The following EML1 variants were observed in gnomAD, a reference collection of about 807,000 sequenced individuals.
EML1 encodes echinoderm microtubule-associated protein-like 1.
A neutral mutation model predicts 110.4 loss-of-function variants in EML1; 27 were observed. The ratio of observed to expected loss-of-function variants is 0.24; its 90% CI spans 0.18 to 0.34. EML1 has a LOEUF of 0.34. Among genes scored for constraint, EML1 ranks in the 10% least tolerant of loss-of-function variants. EML1 has a pLI of 1.00. For synonymous variants in EML1, 344 were observed against 385.8 expected (o/e 0.89, Z 1.27); for missense variants, 741 against 1,030.9 (o/e 0.72, Z 3.85).
upstream of EML1, among the ~76,000 whole-genome samples, chr14:99,788,894 G>A (rs752392090): frequency 1.3e-5 from 2 of 152,080 alleles, no homozygotes; most frequent in African/African-American, 4.8e-5. Context: ...TAGGCACTTC[G>A]TGTAAGTGGA....
At chr14:99,926,086 T>G (rs561137773) in intron 17 of EML1, among the ~76,000 whole-genome samples, 113 of 152,344 alleles carry the variant, frequency 7.4e-4, no homozygotes, top group African/African-American at 2.7e-3. Context: ...CACCCTGTTT[T>G]TACCTGAAGT....
At chr14:99,932,811 T>C (rs1456013084) in intron 17 of EML1, among the ~76,000 whole-genome samples, 1 of 151,630 alleles carries the variant, frequency 6.6e-6, no homozygotes, top group Non-Finnish European at 1.5e-5. Context: ...TAAACCTGTT[T>C]GTTAAATAAC....
At chr14:99,908,909 T>G (rs2059901543) in intron 10 of EML1, among the ~76,000 whole-genome samples, 1 of 152,162 alleles carries the variant, frequency 6.6e-6, no homozygotes, top group Admixed American at 6.5e-5. Context: ...GGGTGAGGCC[T>G]AGAGATCTGC....
intron 1 of EML1, among the ~76,000 whole-genome samples, chr14:99,846,060 A>G (rs2058702463): frequency 6.6e-6 from 1 of 151,108 alleles, no homozygotes. Context: ...AAAAAAAAAA[A>G]AAAAAGAAAA....
chr14:99,852,431 A>G (rs911430383), intron 2 of EML1, among the ~76,000 whole-genome samples: 1 of 152,212 alleles, frequency 6.6e-6, no homozygotes, highest in Non-Finnish European at 1.5e-5. Context: ...TCTAGGCAAC[A>G]TAGTGAGACC....
At position 99,936,423 on chromosome 14, in the gene EML1, T is replaced by A. The variant is rs1186724150; in HGVS notation, c.2095+89T>A. The stretch of plus-strand genomic sequence containing the variant: ...GGGGCCTCTGTGAGAACCCACCTCC[T>A]GTATGACTTAGGCACGTGCCATCAT... On this transcript the variant is annotated intron_variant, in intron 19 of 21. Coordinates refer to ENST00000262233, the MANE Select transcript of EML1 (RefSeq NM_004434.3). This position sits in a 1 kb window ranked among gnomAD's most constrained non-coding sequence, Gnocchi z 5.5. 1 of 1,216,664 alleles carries A rather than the reference T, an allele frequency of 8.2e-7. No individual in the cohort carries two copies. The highest frequency in any genetic ancestry group is 1.5e-5 in the African/African-American group (1 of 66,478). The allele number at this position is 1,216,664 out of a possible 1,614,324, so 75.4% of individuals were successfully genotyped here.
Position 99,942,043 on chromosome 14 carries a change from A to T in EML1, c.*1931A>T, listed in dbSNP as rs1269514893. On this transcript the variant is annotated 3_prime_UTR_variant, in exon 22 of 22. Transcript: ENST00000262233. Reference sequence around the variant, plus strand: ...TCACTTTATTATGAATGAATGAATGAATTTGATGGATTTAAAATGGCTTCA... The same window carrying T: ...TCACTTTATTATGAATGAATGAATGTATTTGATGGATTTAAAATGGCTTCA... 1 of 152,192 alleles carries T rather than the reference A, an allele frequency of 6.6e-6. No homozygotes were observed. Among genetic ancestry groups the T allele is most frequent in the East Asian group, 1.9e-4 (1 of 5,202 alleles). 9.4% of individuals were successfully genotyped at this position (152,192 alleles called of 1,614,324 possible). A position where few individuals can be genotyped will look rare whatever the true frequency, so the allele number is the denominator to read the frequency against.
intron 1 of EML1, among the ~76,000 whole-genome samples, chr14:99,799,357 A>T (rs978894713): frequency 1.3e-5 from 2 of 152,232 alleles, no homozygotes; most frequent in African/African-American, 2.4e-5. Flanking sequence ...TGATTACAGC[A>T]GGATTTTCAA....
At position 99,888,004 on chromosome 14, in the gene EML1, A is replaced by G. The variant is rs185647512; in HGVS notation, c.519-3195A>G. On this transcript the variant is annotated intron_variant, in intron 4 of 21. Coordinates refer to ENST00000262233, the MANE Select transcript of EML1 (RefSeq NM_004434.3). ...AGGTGGTGGTGCATTGGCAGGAGTA[A>G]TGGGTTCTAAACAAATAAGCTGGGT... Among the ~76,000 whole-genome samples the G allele has an allele frequency of 7.2e-5, 11 of 152,342 alleles. No individual in the cohort carries two copies. In the East Asian group the frequency reaches 2.1e-3, roughly 29 times the overall value.
intron 17 of EML1, among the ~76,000 whole-genome samples, chr14:99,927,799 G>A (rs1180800321): frequency 1.4e-5 from 1 of 73,178 alleles, no homozygotes; most frequent in Non-Finnish European, 2.7e-5. Flanking sequence ...GGTATTGGTG[G>A]TGGGGGGGGT....
rs1566862967 is a variant in EML1, at chr14:99,784,788, A to C, written c.-27+10775A>C. 6.6e-6 allele frequency among the ~76,000 whole-genome samples: 1 copy of C among 152,232 alleles called. No individual in the cohort carries two copies. The highest frequency in any genetic ancestry group is 1.5e-5 in the Non-Finnish European group (1 of 68,040). On this transcript the variant is annotated intron_variant, in intron 1 of 22. Coordinates refer to the EML1 transcript ENST00000327921. This position sits in a 1 kb window ranked among gnomAD's most constrained non-coding sequence, Gnocchi z 4.5. ...GCTGACAAGGTCTCACCTTCATAAG[A>C]TAAGCTGTAGAACTGCATCCCTGTG...
At chr14:99,848,581 C>G (rs1208852026) in intron 1 of EML1, among the ~76,000 whole-genome samples, 3 of 151,952 alleles carry the variant, frequency 2.0e-5, no homozygotes, top group Non-Finnish European at 2.9e-5. Context: ...CCATATTTAC[C>G]CCATCTTTTA....
chr14:99,840,894 T>G lies in EML1; in HGVS notation c.68-9959T>G, dbSNP rs115207868. ...TTTTTTACAGTAAGAGAAAAAGTAA[T>G]TAAACTTCAAAGTCAGATCTGTAAA... On this transcript the variant is annotated intron_variant, in intron 1 of 21. Coordinates refer to ENST00000262233, the MANE Select transcript of EML1 (RefSeq NM_004434.3). Among the ~76,000 whole-genome samples, 1,497 of 152,318 alleles carry G rather than the reference T, an allele frequency of 9.8e-3. 21 individuals carry two copies. The highest frequency in any genetic ancestry group is 0.033 in the African/African-American group (1,362 of 41,570).
At chr14:99,903,242 T>A (rs1007270861) in intron 9 of EML1, among the ~76,000 whole-genome samples, 5 of 152,192 alleles carry the variant, frequency 3.3e-5, no homozygotes, top group Non-Finnish European at 7.4e-5. Context: ...ATGATTTCAA[T>A]CTTCTATTAG....
upstream of EML1, among the ~76,000 whole-genome samples, chr14:99,769,370 G>A (rs1303858244): frequency 1.3e-5 from 2 of 152,208 alleles, no homozygotes; most frequent in Admixed American, 6.5e-5. Flanking sequence ...GGCACCAGCA[G>A]GAGGTGGCCC....
At chr14:99,792,050 C>T (rs2057680487), upstream of EML1, among the ~76,000 whole-genome samples, 1 of 152,210 alleles carries the variant, frequency 6.6e-6, no homozygotes, top group South Asian at 2.1e-4. Context: ...CAGGAATAAG[C>T]TCTTAAACTT....
chr14:99,819,428 T>C (rs576361742), intron 1 of EML1, among the ~76,000 whole-genome samples: 56 of 152,362 alleles, frequency 3.7e-4, no homozygotes, highest in Admixed American at 1.7e-3. Context: ...ATTTTAAAAG[T>C]AGGGTGGTTT....
intron 1 of EML1, among the ~76,000 whole-genome samples, chr14:99,779,716 G>T (rs1292895255): frequency 6.6e-6 from 1 of 152,228 alleles, no homozygotes; most frequent in Non-Finnish European, 1.5e-5. Context: ...TCTGAGAGCT[G>T]AGGGTAGGAA....
At chr14:99,745,498 T>G (rs2057098139) in intron 1 of EML1, among the ~76,000 whole-genome samples, 1 of 152,236 alleles carries the variant, frequency 6.6e-6, no homozygotes, top group Non-Finnish European at 1.5e-5. Flanking sequence ...TTGCTTTGTA[T>G]GAGATAAGAT....
Sources: allele counts gnomAD v4.1 joint callset (sites outside exome capture counted in the v4.1 genomes callset), GRCh38; gene constraint gnomAD v4.1.1; non-coding constraint Gnocchi (gnomAD v3.1); transcripts MANE v1.5; gene names NCBI Gene and HGNC (gene_info 2026-07-23, HGNC 2026-07-21).